Variants in CNTNAP2 observed in about 807,000 individuals in gnomAD.
CNTNAP2 encodes the protein contactin associated protein 2.
In CNTNAP2, 98 loss-of-function variants were observed where a neutral mutation model predicts 155.2. The ratio of observed to expected loss-of-function variants is 0.63; its 90% CI spans 0.54 to 0.75. The LOEUF (loss-of-function observed/expected upper bound fraction) is 0.75, where lower values mean the gene tolerates loss of function less well. CNTNAP2 is among the 30% of genes least tolerant of loss of function. CNTNAP2 has a pLI of 0.00. For missense variants in CNTNAP2, 1,727 were observed against 1,688.1 expected (o/e 1.02, Z -0.40); for synonymous variants, 651 against 631.2 (o/e 1.03, Z -0.47).
intron 3 of CNTNAP2, among the ~76,000 whole-genome samples, chr7:146,952,918 G>A (rs1459583646): frequency 1.3e-5 from 2 of 151,974 alleles, no homozygotes; most frequent in South Asian, 2.1e-4. Flanking sequence ...TAATCTTCAT[G>A]CCACCTATTT....
chr7:147,008,076 G>T (rs1201197844), intron 3 of CNTNAP2, among the ~76,000 whole-genome samples: 1 of 151,990 alleles, frequency 6.6e-6, no homozygotes, highest in Non-Finnish European at 1.5e-5. Flanking sequence ...ATTTGGGGTG[G>T]CCCCACGTTT....
At chr7:148,078,732 C>T (rs141992729) in intron 15 of CNTNAP2, among the ~76,000 whole-genome samples, 7,653 of 152,252 alleles carry the variant, frequency 0.05, 624 homozygotes, top group African/African-American at 0.17. Context: ...CCACCAGCCT[C>T]GGCCTCCTGA....
chr7:147,614,149 G>A (rs1801239948), intron 12 of CNTNAP2, among the ~76,000 whole-genome samples: 1 of 152,042 alleles, frequency 6.6e-6, no homozygotes, highest in Admixed American at 6.6e-5. Context: ...TTCTTGATAG[G>A]CCAATTGTCT....
chr7:148,070,262 G>C (rs1803355646), intron 15 of CNTNAP2, among the ~76,000 whole-genome samples: 1 of 152,176 alleles, frequency 6.6e-6, no homozygotes, highest in African/African-American at 2.4e-5. Flanking sequence ...AAAGGGCAAG[G>C]ACATAGAATC....
intron 3 of CNTNAP2, among the ~76,000 whole-genome samples, chr7:146,924,241 GA>G (rs1563003967): frequency 6.6e-6 from 1 of 151,564 alleles, no homozygotes; most frequent in East Asian, 1.9e-4. Context: ...TATAAAATTA[GA>G]TTTTTTTTAA....
intron 22 of CNTNAP2, among the ~76,000 whole-genome samples, 158 bp from the exon 23 acceptor site, chr7:148,409,233 T>A (rs990872608): frequency 2.6e-5 from 4 of 152,236 alleles, no homozygotes; most frequent in African/African-American, 4.8e-5. Flanking sequence ...GCTGTTGTGA[T>A]TCTTGTGGGA....
chr7:147,258,574 C>T (rs73461220), intron 8 of CNTNAP2, among the ~76,000 whole-genome samples: 2,393 of 152,164 alleles, frequency 0.016, 63 homozygotes, highest in African/African-American at 0.055. Flanking sequence ...CCTGAATGAA[C>T]TCACCTATAA....
chr7:146,137,402 G>C (rs1002280577), intron 1 of CNTNAP2, among the ~76,000 whole-genome samples: 2 of 152,008 alleles, frequency 1.3e-5, no homozygotes, highest in Non-Finnish European at 2.9e-5. Context: ...TGTTTCATCT[G>C]TCCTTAAAAG....
At chr7:147,984,198 G>T (rs918093132) in intron 15 of CNTNAP2, among the ~76,000 whole-genome samples, 12 of 152,162 alleles carry the variant, frequency 7.9e-5, no homozygotes, top group Non-Finnish European at 1.2e-4. Context: ...TCGCCATCTT[G>T]GTTGTGGTGG....
intron 9 of CNTNAP2, among the ~76,000 whole-genome samples, chr7:147,301,592 C>G (rs3857779): frequency 1.1e-3 from 115 of 101,842 alleles, no homozygotes; most frequent in East Asian, 9.3e-3. Flanking sequence ...CTCTCTCTCT[C>G]TGTGTGTGTG....
chr7:147,733,799 C>T (rs1209722789), intron 13 of CNTNAP2, among the ~76,000 whole-genome samples: 2 of 152,116 alleles, frequency 1.3e-5, no homozygotes, highest in Admixed American at 1.3e-4. Flanking sequence ...TGGGAATTTA[C>T]TTGTGATTTG....
At chr7:146,508,227 C>T (rs1246884679) in intron 1 of CNTNAP2, among the ~76,000 whole-genome samples, 1 of 152,148 alleles carries the variant, frequency 6.6e-6, no homozygotes, top group Non-Finnish European at 1.5e-5. Flanking sequence ...TGGAAGTAAC[C>T]TGTCGGGGTT....
chr7:146,195,293 T>C (rs28600774), intron 1 of CNTNAP2: 38,209 of 152,116 alleles, frequency 0.25, 5,029 homozygotes, highest in Middle Eastern at 0.34. Context: ...TATGTGCCAA[T>C]GAACCAAGGA....
intron 11 of CNTNAP2, among the ~76,000 whole-genome samples, chr7:147,500,266 T>G (rs1008750054): frequency 6.6e-6 from 1 of 152,104 alleles, no homozygotes; most frequent in Non-Finnish European, 1.5e-5. Flanking sequence ...TAAAACCTTA[T>G]CAAAGACAAA....
At chr7:147,200,820 G>A (rs888540687) in intron 8 of CNTNAP2, among the ~76,000 whole-genome samples, 4 of 152,148 alleles carry the variant, frequency 2.6e-5, no homozygotes, top group Non-Finnish European at 2.9e-5. Flanking sequence ...ATAAAATAAT[G>A]TAATCTTACA....
chr7:147,911,890 G>A (rs1399561000), intron 14 of CNTNAP2, among the ~76,000 whole-genome samples: 1 of 152,154 alleles, frequency 6.6e-6, no homozygotes, highest in Non-Finnish European at 1.5e-5. Context: ...TTTAGTGACT[G>A]TGAATAACGC....
At chr7:148,297,165 A>AAAGGAAGGAAGGAAGGAAGGAAGGAAGG (rs141074994) in intron 21 of CNTNAP2, among the ~76,000 whole-genome samples, 221 of 128,910 alleles carry the variant, frequency 1.7e-3, no homozygotes, top group South Asian at 4.7e-3. Flanking sequence ...GAGATAGAGA[A>AAAGGAAGGAAGGAAGGAAGGAAGGAAGG]AAGGAAGGAA....
chr7:148,345,118 C>T lies in CNTNAP2; in HGVS notation c.3476-38531C>T, dbSNP rs1196261797. Among the ~76,000 whole-genome samples the T allele has an allele frequency of 1.3e-5, 2 of 152,050 alleles. 1 individual carries two copies. Among genetic ancestry groups the T allele is most frequent in the South Asian group, 4.2e-4 (2 of 4,814 alleles). On this transcript the variant is annotated intron_variant, in intron 21 of 23. Coordinates refer to ENST00000361727, the MANE Select transcript of CNTNAP2 (RefSeq NM_014141.6). ...CTCAGAACAGCAGCAGGAATTGGGA[C>T]GTTTAGCCTGAAGGAGAGGGGACTT...
intron 3 of CNTNAP2, among the ~76,000 whole-genome samples, chr7:146,934,643 T>C (rs13242885): frequency 0.35 from 53,576 of 152,058 alleles, 10,089 homozygotes; most frequent in Middle Eastern, 0.43. Flanking sequence ...ACAATGGACA[T>C]GTATTCGCAT....
Sources: allele counts gnomAD v4.1 joint callset (sites outside exome capture counted in the v4.1 genomes callset), GRCh38; gene constraint gnomAD v4.1.1; transcripts MANE v1.5; gene names NCBI Gene and HGNC (gene_info 2026-07-23, HGNC 2026-07-21).